Variants in ATP10B observed in about 807,000 individuals in gnomAD.
The protein encoded by ATP10B is phospholipid-transporting ATPase VB.
In ATP10B, 122 loss-of-function variants were observed where a neutral mutation model predicts 141.2. The ratio of observed to expected loss-of-function variants is 0.86; its 90% CI spans 0.75 to 1.00. The LOEUF (loss-of-function observed/expected upper bound fraction) is 1.00, where lower values mean the gene tolerates loss of function less well. ATP10B is among the 50% of genes least tolerant of loss of function. The pLI, the probability that ATP10B is intolerant of heterozygous loss-of-function variation, is 0.00. For missense variants in ATP10B, 1,876 were observed against 1,825.3 expected (o/e 1.03, Z -0.51); for synonymous variants, 685 against 692.0 (o/e 0.99, Z 0.16).
chr5:160,604,264 A>T (rs531536272), intron 19 of ATP10B, among the ~76,000 whole-genome samples: 5 of 152,320 alleles, frequency 3.3e-5, no homozygotes, highest in Middle Eastern at 6.8e-3. Context: ...GGACTTACCA[A>T]GTGTCTTTTT....
Position 160,785,709 on chromosome 5 carries a change from A to G in ATP10B, c.-481T>C. 1 of 1,281,828 alleles carries G rather than the reference A, an allele frequency of 7.8e-7. No individual in the cohort carries two copies. Among genetic ancestry groups the G allele is most frequent in the Non-Finnish European group, 1.0e-6 (1 of 985,262 alleles). 79.4% of individuals were successfully genotyped at this position (1,281,828 alleles called of 1,614,324 possible). ...AGGAGTTCATTATCTCCACTGAGTGAGATGAATAATAGGAAAAACTACTTA... is the reference window on the plus strand; with the variant it reads ...AGGAGTTCATTATCTCCACTGAGTGGGATGAATAATAGGAAAAACTACTTA... On this transcript the variant is annotated 5_prime_UTR_variant, in exon 2 of 26. Transcript: ENST00000327245.
intron 19 of ATP10B, 31 bp downstream of exon 19, chr5:160,606,734 A>T: frequency 6.3e-7 from 1 of 1,592,838 alleles, no homozygotes; most frequent in Non-Finnish European, 8.6e-7. Flanking sequence ...TCCCTGCCAA[A>T]GTGCCACCCG....
At chr5:160,572,249 G>C (rs981869001) in intron 24 of ATP10B, among the ~76,000 whole-genome samples, 1 of 151,660 alleles carries the variant, frequency 6.6e-6, no homozygotes, top group Non-Finnish European at 1.5e-5. Context: ...TGAGGGATGT[G>C]ATCTAAATAA....
chr5:160,824,666 A>G (rs996967039), intron 1 of ATP10B, among the ~76,000 whole-genome samples: 1 of 151,122 alleles, frequency 6.6e-6, no homozygotes, highest in Non-Finnish European at 1.5e-5. Context: ...TGAATACCGT[A>G]GGCCACTGTA....
intron 2 of ATP10B, among the ~76,000 whole-genome samples, chr5:160,770,155 T>C (rs1455256123): frequency 6.6e-6 from 1 of 152,140 alleles, no homozygotes; most frequent in Non-Finnish European, 1.5e-5. Context: ...TCTGTCTCTC[T>C]TTTTCTGCCT....
chr5:160,674,043 T>TGCCTTTG (rs1485894550), intron 6 of ATP10B, among the ~76,000 whole-genome samples: 2 of 152,200 alleles, frequency 1.3e-5, no homozygotes, highest in Non-Finnish European at 2.9e-5. Context: ...TGTGTCCTAC[T>TGCCTTTG]GGATAATGCC....
chr5:160,643,653 A>G (rs1760048000), intron 9 of ATP10B, among the ~76,000 whole-genome samples: 1 of 152,224 alleles, frequency 6.6e-6, no homozygotes. Context: ...TGCAAAAACA[A>G]CTAAAACCCA....
intron 1 of ATP10B, among the ~76,000 whole-genome samples, chr5:160,813,634 A>G (rs2127950689): frequency 6.6e-6 from 1 of 152,318 alleles, no homozygotes; most frequent in Non-Finnish European, 1.5e-5. Context: ...CGAAGAGAGT[A>G]GTTGTTCTCC....
intron 3 of ATP10B, among the ~76,000 whole-genome samples, chr5:160,707,954 T>C (rs1467931761): frequency 2.0e-5 from 3 of 152,016 alleles, no homozygotes; most frequent in African/African-American, 4.8e-5. Context: ...CTGATGGGGG[T>C]TGGGAGTTGC....
chr5:160,879,423 T>G, the ATP10B span, among the ~76,000 whole-genome samples: 2 of 122,164 alleles, frequency 1.6e-5, no homozygotes, highest in Admixed American at 8.4e-5. Context: ...CATTGGGAGA[T>G]ATACCTAATG....
chr5:160,811,190 C>T (rs1299300659), intron 1 of ATP10B, among the ~76,000 whole-genome samples: 1 of 152,130 alleles, frequency 6.6e-6, no homozygotes, highest in Non-Finnish European at 1.5e-5. Context: ...AGGTAGTATG[C>T]AATGAACCTT....
chr5:160,657,926 G>A (rs912598828), intron 7 of ATP10B, among the ~76,000 whole-genome samples: 1 of 152,174 alleles, frequency 6.6e-6, no homozygotes, highest in African/African-American at 2.4e-5. Flanking sequence ...GATGGCCAGT[G>A]GCACCTTAAG....
intron 1 of ATP10B, among the ~76,000 whole-genome samples, chr5:160,838,200 T>C (rs1349381942): frequency 2.0e-5 from 3 of 152,322 alleles, no homozygotes; most frequent in Admixed American, 6.5e-5. Context: ...TTCCATTCTG[T>C]AGGTTCCTCA....
chr5:160,854,931 C>A (rs531360452), upstream of ATP10B, among the ~76,000 whole-genome samples: 1 of 152,260 alleles, frequency 6.6e-6, no homozygotes, highest in African/African-American at 2.4e-5. Context: ...AATAAAATAA[C>A]TGTGCTTTCA....
chr5:160,715,486 G>T (rs1412606795), intron 3 of ATP10B, among the ~76,000 whole-genome samples: 1 of 142,686 alleles, frequency 7.0e-6, no homozygotes. Context: ...CGCACGGTGC[G>T]CACACACACT....
At chr5:160,678,216 G>A (rs1763156099) in intron 6 of ATP10B, among the ~76,000 whole-genome samples, 1 of 152,222 alleles carries the variant, frequency 6.6e-6, no homozygotes, top group Non-Finnish European at 1.5e-5. Flanking sequence ...ACTGGTATCT[G>A]TGGCTCAGTG....
At chr5:160,835,694 A>G (rs1775381423) in intron 1 of ATP10B, among the ~76,000 whole-genome samples, 4 of 152,124 alleles carry the variant, frequency 2.6e-5, no homozygotes, top group Admixed American at 2.0e-4. Context: ...TGTTGCTTAT[A>G]CTGTACATGT....
At chr5:160,729,997 G>C (rs770771843) in intron 2 of ATP10B, among the ~76,000 whole-genome samples, 1 of 152,120 alleles carries the variant, frequency 6.6e-6, no homozygotes, top group Admixed American at 6.5e-5. Context: ...TTGAATCACT[G>C]ATGATAACGG....
intron 2 of ATP10B, among the ~76,000 whole-genome samples, chr5:160,771,919 G>C: frequency 6.6e-6 from 1 of 152,214 alleles, no homozygotes; most frequent in East Asian, 1.9e-4. Context: ...ATGTATTTAA[G>C]GTCCCAAAGC....
Sources: allele counts gnomAD v4.1 joint callset (sites outside exome capture counted in the v4.1 genomes callset), GRCh38; gene constraint gnomAD v4.1.1; transcripts MANE v1.5; gene names NCBI Gene and HGNC (gene_info 2026-07-23, HGNC 2026-07-21).